LINGO1: variants seen among roughly 807,000 people sequenced by gnomAD.
LINGO1 encodes leucine rich repeat and Ig domain containing 1, also known as leucine-rich repeat and immunoglobulin-like domain-containing nogo receptor-interacting protein 1.
In LINGO1, 11 loss-of-function variants were observed where a neutral mutation model predicts 37.3. The observed-to-expected ratio is 0.29, with a 90% CI of 0.19 to 0.49. The LOEUF (loss-of-function observed/expected upper bound fraction) is 0.49, where lower values mean the gene tolerates loss of function less well. Among genes scored for constraint, LINGO1 ranks in the 20% least tolerant of loss-of-function variants. LINGO1 has a pLI of 0.99. For missense variants in LINGO1, 585 were observed against 878.2 expected (o/e 0.67, Z 4.22); for synonymous variants, 387 against 403.0 (o/e 0.96, Z 0.48).
At chr15:77,688,468 C>T (rs375029143) in intron 2 of LINGO1, among the ~76,000 whole-genome samples, 55 of 151,998 alleles carry the variant, frequency 3.6e-4, no homozygotes, top group Middle Eastern at 3.4e-3. Flanking sequence ...GGGAAGAGGG[C>T]GGGCAGCAGA....
chr15:77,630,742 G>C (rs905305369), intron 1 of LINGO1, among the ~76,000 whole-genome samples: 4 of 152,204 alleles, frequency 2.6e-5, no homozygotes, highest in Admixed American at 6.5e-5. Context: ...GAGGGGGGCA[G>C]AGACAAGAAC....
intron 1 of LINGO1, among the ~76,000 whole-genome samples, chr15:77,631,651 G>A (rs898662137): frequency 1.3e-5 from 2 of 152,254 alleles, no homozygotes; most frequent in South Asian, 2.1e-4. Flanking sequence ...CTCTGCCTTA[G>A]AATGAAAAGT....
chr15:77,619,867 G>T (rs975998850), intron 1 of LINGO1, among the ~76,000 whole-genome samples: 1 of 152,246 alleles, frequency 6.6e-6, no homozygotes, highest in Non-Finnish European at 1.5e-5. Flanking sequence ...AGCTCTGGGA[G>T]TGTACGGGCT....
intron 1 of LINGO1, among the ~76,000 whole-genome samples, chr15:77,756,628 G>A (rs376932602): frequency 2.6e-5 from 4 of 152,234 alleles, no homozygotes; most frequent in African/African-American, 7.2e-5. Context: ...GGAAGTGAAC[G>A]TGACCATTTT....
intron 1 of LINGO1, among the ~76,000 whole-genome samples, chr15:77,758,119 A>T (rs1250092908): frequency 2.0e-5 from 3 of 152,176 alleles, no homozygotes; most frequent in Admixed American, 2.0e-4. Context: ...AATGGTGGGA[A>T]GGTGAAGGAT....
intron 3 of LINGO1, among the ~76,000 whole-genome samples, chr15:77,641,215 C>T (rs115513929): frequency 2.0e-3 from 298 of 152,326 alleles, no homozygotes; most frequent in African/African-American, 5.5e-3. Flanking sequence ...GAGGCTGCCA[C>T]CACCTCTCGC....
intron 1 of LINGO1, among the ~76,000 whole-genome samples, chr15:77,777,216 G>A (rs1319490311): frequency 6.6e-6 from 1 of 152,162 alleles, no homozygotes; most frequent in African/African-American, 2.4e-5. Flanking sequence ...CGGTCAACCA[G>A]CCAGTGGTGT....
intron 2 of LINGO1, among the ~76,000 whole-genome samples, chr15:77,683,730 G>C (rs1442110557): frequency 6.6e-6 from 1 of 152,106 alleles, no homozygotes; most frequent in African/African-American, 2.4e-5. Flanking sequence ...GTGGGACATG[G>C]GCAGAGTGGG....
intron 1 of LINGO1, among the ~76,000 whole-genome samples, chr15:77,738,863 C>G (rs901368849): frequency 1.6e-4 from 25 of 152,264 alleles, no homozygotes; most frequent in African/African-American, 6.0e-4. Flanking sequence ...ACTCCGAAGC[C>G]TGTGTTCTTA....
At chr15:77,817,957 A>G (rs1356842833) in intron 1 of LINGO1, among the ~76,000 whole-genome samples, 1 of 152,224 alleles carries the variant, frequency 6.6e-6, no homozygotes, top group Non-Finnish European at 1.5e-5. Context: ...AGACATTACC[A>G]TACTCCAGAG....
chr15:77,620,916 A>G (rs2073897446), intron 1 of LINGO1, among the ~76,000 whole-genome samples: 1 of 152,174 alleles, frequency 6.6e-6, no homozygotes, highest in African/African-American at 2.4e-5. Flanking sequence ...ACTCTGTGCC[A>G]TAGGCAGCAT....
intron 1 of LINGO1, among the ~76,000 whole-genome samples, chr15:77,758,724 A>G (rs181403870): frequency 6.6e-6 from 1 of 152,274 alleles, no homozygotes; most frequent in African/African-American, 2.4e-5. Flanking sequence ...CTGAAAAACA[A>G]TGAGACTGCC....
chr15:77,742,792 G>A (rs1019726111), intron 1 of LINGO1, among the ~76,000 whole-genome samples: 6 of 152,226 alleles, frequency 3.9e-5, no homozygotes, highest in Non-Finnish European at 8.8e-5. Flanking sequence ...ACCTTTGGCA[G>A]AGACTGTAGA....
chr15:77,736,017 T>C (rs1403591120), intron 1 of LINGO1, among the ~76,000 whole-genome samples: 2 of 152,238 alleles, frequency 1.3e-5, no homozygotes, highest in Non-Finnish European at 2.9e-5. Flanking sequence ...CCTTCACATA[T>C]TATGGCCTTA....
Position 77,615,188 on chromosome 15 carries a change from C to A in LINGO1, c.719G>T (p.Arg240Leu). The change falls in exon 2 of 2, where the codon CGA becomes CTA. Residue 240 changes from arginine to leucine, a missense_variant. Transcript: ENST00000355300. ...IRDYSFKRLY[R>L]LKVLEISHWP... Reference sequence around the variant, plus strand: ...GTGGGAGATCTCCAAGACCTTGAGTCGGTACAGCCTCTTGAAGGAGTAGTC... The same window carrying A: ...GTGGGAGATCTCCAAGACCTTGAGTAGGTACAGCCTCTTGAAGGAGTAGTC... 1 of 1,613,696 alleles carries A rather than the reference C, an allele frequency of 6.2e-7. No homozygotes were observed. Among genetic ancestry groups the A allele is most frequent in the Admixed American group, 1.7e-5 (1 of 60,006 alleles).
chr15:77,799,151 C>T (rs1276701522), intron 1 of LINGO1, among the ~76,000 whole-genome samples: 1 of 152,200 alleles, frequency 6.6e-6, no homozygotes, highest in Non-Finnish European at 1.5e-5. Flanking sequence ...CCCCTCTGAT[C>T]AATACCCCTA....
chr15:77,661,791 C>G (rs962214475), intron 3 of LINGO1, among the ~76,000 whole-genome samples: 8 of 152,352 alleles, frequency 5.3e-5, no homozygotes, highest in Non-Finnish European at 1.0e-4. Context: ...GCCCACATCT[C>G]ACACAGGGAC....
intron 1 of LINGO1, among the ~76,000 whole-genome samples, chr15:77,785,615 C>T (rs564036268): frequency 7.4e-4 from 113 of 152,150 alleles, no homozygotes; most frequent in South Asian, 3.7e-3. Flanking sequence ...AGGGCTCTGA[C>T]CCCCAGCCCC....
intron 3 of LINGO1, among the ~76,000 whole-genome samples, chr15:77,655,854 C>T (rs565030649): frequency 4.7e-4 from 71 of 152,344 alleles, no homozygotes; most frequent in African/African-American, 1.5e-3. Flanking sequence ...CGCCCTCCTC[C>T]CAGCCTTCTC....
Sources: allele counts gnomAD v4.1 joint callset (sites outside exome capture counted in the v4.1 genomes callset), GRCh38; gene constraint gnomAD v4.1.1; transcripts MANE v1.5; gene names NCBI Gene and HGNC (gene_info 2026-07-23, HGNC 2026-07-21).